The following SSRP1 variants were observed in gnomAD, a reference collection of about 807,000 sequenced individuals.
SSRP1 encodes FACT complex subunit SSRP1.
A neutral mutation model predicts 84.4 loss-of-function variants in SSRP1; 21 were observed. The observed-to-expected ratio is 0.25, with a 90% confidence interval of 0.18 to 0.36. The LOEUF (loss-of-function observed/expected upper bound fraction) is 0.36. SSRP1 is among the 10% of genes least tolerant of loss of function. SSRP1 has a pLI of 1.00. For synonymous variants in SSRP1, 319 were observed against 318.3 expected (o/e 1.00, Z -0.02); for missense variants, 519 against 900.8 (o/e 0.58, Z 5.43).
At position 57,326,884 on chromosome 11, in the gene SSRP1, T is replaced by C. The variant is rs985933102; in HGVS notation, c.1877A>G (p.Lys626Arg). 2 of 1,604,002 alleles carry C rather than the reference T, an allele frequency of 1.2e-6. No homozygotes were observed. The highest frequency in any genetic ancestry group is 1.7e-5 in the Admixed American group (1 of 58,134). The stretch of plus-strand genomic sequence containing the variant: ...CTTTACTTTCTTCTTCTTCTTTGAC[T>C]TGTCCCTGTATTGGCAAGAGGGAAG... The part of the protein sequence containing the change: ...GGRGESSKRD[K>R]SKKKKKVKVK... The change falls in exon 16 of 17, where the codon AAG (lysine) becomes AGG (arginine). Residue 626 changes from lysine (K) to arginine (R), a missense_variant. This residue lies in a region of SSRP1 where 197 missense variants were observed against 265.0 expected (regional missense o/e 0.74). Transcript: ENST00000278412.
rs771120591 is a variant in SSRP1, at chr11:57,332,103, G to C, written c.1001+49C>G. 1 of 1,611,004 alleles carries C rather than the reference G, an allele frequency of 6.2e-7. No individual in the cohort carries two copies. Among genetic ancestry groups the C allele is most frequent in the Non-Finnish European group, 8.5e-7 (1 of 1,179,420 alleles). On this transcript the variant is annotated intron_variant, in intron 8 of 16. Transcript: ENST00000278412. The surrounding 1 kb of genome is among the most constrained non-coding windows in gnomAD (Gnocchi z 5.5). Reference sequence around the variant, plus strand: ...CAGGAAGGGTTTACCAAGGAGACACGGCATTTCCCATACCCAGGCAGGGCA... The same window carrying C: ...CAGGAAGGGTTTACCAAGGAGACACCGCATTTCCCATACCCAGGCAGGGCA...
intron 14 of SSRP1, 84 bp from the exon 15 acceptor site, chr11:57,327,598 A>G (rs1856011263): frequency 2.5e-6 from 4 of 1,604,376 alleles, no homozygotes; most frequent in Non-Finnish European, 2.6e-6. Flanking sequence ...ATCGATACAG[A>G]AAGTCCCACC....
At position 57,326,852 on chromosome 11, in the gene SSRP1, TCTTTAC is replaced by T. The variant is rs756183469; in HGVS notation, c.1903_1908del (p.Val635_Lys636del). ...CTAGAGGGCGTGGATTTCTTTTCCA[TCTTTAC>T]CTTTACTTTCTTCTTCTTCTTTGAC... On this transcript the variant is annotated inframe_deletion, in exon 16 of 17. Transcript: ENST00000278412. 11 of 1,613,806 alleles carry T rather than the reference TCTTTAC, an allele frequency of 6.8e-6. No homozygotes were observed. In the South Asian group the frequency reaches 1.2e-4, roughly 18 times the overall value.
chr11:57,333,719 C>T (rs1312971565), intron 3 of SSRP1, among the ~76,000 whole-genome samples, 179 bp from the exon 4 acceptor site: 1 of 152,246 alleles, frequency 6.6e-6, no homozygotes, highest in Non-Finnish European at 1.5e-5. Context: ...CTTCTAGCCA[C>T]TGGATCTGAC....
Position 57,330,654 on chromosome 11 carries a change from G to A in SSRP1, c.1296+201C>T. On this transcript the variant is annotated intron_variant, in intron 10 of 16. Transcript: ENST00000278412. This position sits in a 1 kb window ranked among gnomAD's most constrained non-coding sequence, Gnocchi z 4.0. ...CCTCCCTCTCCCAGCCCCACTGGGG[G>A]CTCCTGAGGGGCTGCATAGACTGGT... 1.4e-6 allele frequency: 2 copies of A among 1,444,788 alleles called. No individual in the cohort carries two copies. Among genetic ancestry groups the A allele is most frequent in the Non-Finnish European group, 1.8e-6 (2 of 1,105,362 alleles). 89.5% of individuals were successfully genotyped at this position (1,444,788 alleles called of 1,614,324 possible).
rs1217958155 is a variant in SSRP1, at chr11:57,326,809, G to A, written c.1952C>T (p.Ser651Leu). The A allele has an allele frequency of 1.2e-5, 19 of 1,614,220 alleles. No individual in the cohort carries two copies. Among genetic ancestry groups the A allele is most frequent in the Middle Eastern group, 1.6e-4 (1 of 6,062 alleles). ...STPSRGSSSK[S>L]SSRQLSESFK... ...GCTCTCGCTTAGCTGCCTTGAGGAC[G>A]ACTTGGATGATGAGCCCCTAGAGGG... Residue 651 changes from serine to leucine, a missense_variant, in exon 16 of 17, where the codon TCG (serine) becomes TTG (leucine). Transcript: ENST00000278412.
At position 57,335,113 on chromosome 11, in the gene SSRP1, C is replaced by T. The variant is rs189041235; in HGVS notation, c.9G>A (p.Glu3=). The change falls in exon 2 of 17, where the codon GAG becomes GAA. Residue 3 remains glutamate (E), a synonymous_variant. Transcript: ENST00000278412. This position sits in a 1 kb window ranked among gnomAD's most constrained non-coding sequence, Gnocchi z 4.6. ...GATAGACGTCGTTGAACTCCAGTGT[C>T]TCTGCCATGTCGACCCCTGCCTGTG... MA[E]TLEFNDVYQE... 8 of 1,614,144 alleles carry T rather than the reference C, an allele frequency of 5.0e-6. No homozygotes were observed. The African/African-American group carries it at 9.3e-5, about 19-fold the overall frequency.
rs764822163 is a variant in SSRP1 at position 57,332,384 on chromosome 11, C to T, written c.871G>A (p.Glu291Lys). 6.8e-6 allele frequency: 11 copies of T among 1,614,066 alleles called. No individual in the cohort carries two copies. Among genetic ancestry groups the T allele is most frequent in the Non-Finnish European group, 8.5e-6 (10 of 1,180,004 alleles). ...AAACGAGTCCAGGGAGACACTCACTCGTTCATGTTCAGAGTCAACGAAATG... is the reference window on the plus strand; with the variant it reads ...AAACGAGTCCAGGGAGACACTCACTTGTTCATGTTCAGAGTCAACGAAATG... Reference protein sequence around the residue: ...EDISLTLNMNEEEVEKRFEGR... With the variant: ...EDISLTLNMNKEEVEKRFEGR... Residue 291 changes from glutamate to lysine, a missense_variant and splice_region_variant, in exon 7 of 17, where the codon GAG becomes AAG. By Grantham distance (56) the Glu-to-Lys change is moderately conservative. Transcript: ENST00000278412. The surrounding 1 kb of genome is among the most constrained non-coding windows in gnomAD (Gnocchi z 5.5).
At chr11:57,333,987 C>T (rs1485665731) in intron 3 of SSRP1, among the ~76,000 whole-genome samples, 1 of 152,118 alleles carries the variant, frequency 6.6e-6, no homozygotes, top group Non-Finnish European at 1.5e-5. Flanking sequence ...GCCGTTTCTA[C>T]CAAAAATTAT....
intron 4 of SSRP1, 103 bp downstream of exon 4, chr11:57,333,331 AG>A: frequency 8.4e-7 from 1 of 1,183,550 alleles, no homozygotes; most frequent in South Asian, 1.3e-5. Flanking sequence ...GCAAATAGAT[AG>A]GAAACCAGAG....
At position 57,330,216 on chromosome 11, in the gene SSRP1, C is replaced by T; in HGVS notation, c.1435+75G>A. The T allele has an allele frequency of 6.2e-7, 1 of 1,614,150 alleles. No homozygotes were observed. Among genetic ancestry groups the T allele is most frequent in the Non-Finnish European group, 8.5e-7 (1 of 1,179,996 alleles). On this transcript the variant is annotated intron_variant, in intron 11 of 16. Coordinates refer to ENST00000278412, the MANE Select transcript of SSRP1 (RefSeq NM_003146.3). The surrounding 1 kb of genome is among the most constrained non-coding windows in gnomAD (Gnocchi z 4.0). ...CCTCACCCAGGCACCCAGCTCTGGC[C>T]CAAGGGTGAGTCCAGCCCGGGCCAC...
intron 12 of SSRP1, chr11:57,329,721 A>T: frequency 3.3e-6 from 1 of 306,364 alleles, no homozygotes; most frequent in Non-Finnish European, 6.1e-6. Context: ...CCAATTTAGC[A>T]GGGGTACTAC....
rs60210571 is a variant in SSRP1 at position 57,327,005 on chromosome 11, C to G, written c.1872-116G>C. ...TCCCAGCCACACAGCCCATTTCACT[C>G]TGAACGTAAATAGCTGCGTCAGCCT... On this transcript the variant is annotated intron_variant, in intron 15 of 16. Transcript: ENST00000278412. 477 of 1,440,904 alleles carry G rather than the reference C, an allele frequency of 3.3e-4. 3 individuals are homozygous for G. The African/African-American group carries it at 6.2e-3, about 19-fold the overall frequency. 89.3% of individuals were successfully genotyped at this position (1,440,904 alleles called of 1,614,324 possible).
chr11:57,335,149 C>T lies in SSRP1; in HGVS notation c.-28G>A. 1 of 1,613,504 alleles carries T rather than the reference C, an allele frequency of 6.2e-7. No individual in the cohort carries two copies. The highest frequency in any genetic ancestry group is 8.5e-7 in the Non-Finnish European group (1 of 1,179,562). On this transcript the variant is annotated 5_prime_UTR_variant, in exon 2 of 17. Transcript: ENST00000278412. This position sits in a 1 kb window ranked among gnomAD's most constrained non-coding sequence, Gnocchi z 4.6. The stretch of plus-strand genomic sequence containing the variant: ...CGACCCCTGCCTGTGGTGGCCTGGG[C>T]AGAGCCCCAGGCTGCACAAGGGAAA...
In SSRP1 at chr11:57,334,414, A is replaced by T. The variant is rs1856163137; in HGVS notation, c.240+49T>A. Reference sequence around the variant, plus strand: ...GAACCTCGAGTCTCTAGAAGATTAAAATAAGAAGATGCAGTAAAAAGGAGG... The same window carrying T: ...GAACCTCGAGTCTCTAGAAGATTAATATAAGAAGATGCAGTAAAAAGGAGG... On this transcript the variant is annotated intron_variant, in intron 3 of 16. Transcript: ENST00000278412. 1.9e-6 allele frequency: 3 copies of T among 1,594,186 alleles called. No homozygotes were observed. The African/African-American group carries it at 4.0e-5, about 22-fold the overall frequency.
In SSRP1 at chr11:57,330,941, T is replaced by C. The variant is rs371042746; in HGVS notation, c.1224-14A>G. 1.4e-5 allele frequency: 22 copies of C among 1,613,868 alleles called. No homozygotes were observed. In the African/African-American group the frequency reaches 2.4e-4, roughly 18 times the overall value. On this transcript the variant is annotated splice_polypyrimidine_tract_variant and intron_variant, in intron 9 of 16. Transcript: ENST00000278412. This position sits in a 1 kb window ranked among gnomAD's most constrained non-coding sequence, Gnocchi z 4.0. ...CCGTACTCCTCCCTGTGAGGGGACA[T>C]GCACCATGTTACCAGAGAGGTAGTG...
In SSRP1 at chr11:57,335,097, C is replaced by G; in HGVS notation, c.25G>C (p.Asp9His). 1 of 1,614,114 alleles carries G rather than the reference C, an allele frequency of 6.2e-7. No individual in the cohort carries two copies. Among genetic ancestry groups the G allele is most frequent in the Non-Finnish European group, 8.5e-7 (1 of 1,179,998 alleles). Residue 9 changes from aspartate to histidine, a missense_variant, in exon 2 of 17, where the codon GAC (aspartate) becomes CAC (histidine). Physicochemically the swap from Asp to His is moderately conservative, Grantham distance 81 (BLOSUM62 -1). Coordinates refer to ENST00000278412, the MANE Select transcript of SSRP1 (RefSeq NM_003146.3). This position sits in a 1 kb window ranked among gnomAD's most constrained non-coding sequence, Gnocchi z 4.6. MAETLEFN[D>H]VYQEVKGSMN... ...GAACCTTTCACCTCCTGATAGACGTCGTTGAACTCCAGTGTCTCTGCCATG... is the reference window on the plus strand; with the variant it reads ...GAACCTTTCACCTCCTGATAGACGTGGTTGAACTCCAGTGTCTCTGCCATG...
chr11:57,326,522 T>C, intron 16 of SSRP1, 44 bp from the exon 17 acceptor site: 1 of 1,612,772 alleles, frequency 6.2e-7, no homozygotes, highest in South Asian at 1.1e-5. Context: ...GAGTCCTGGG[T>C]GCCCCACCCA....
Position 57,332,370 on chromosome 11 carries a change from G to A in SSRP1, c.872+13C>T, listed in dbSNP as rs1416979964. ...TGGACAGTGGTAGGAAACGAGTCCA[G>A]GGAGACACTCACTCGTTCATGTTCA... On this transcript the variant is annotated intron_variant, in intron 7 of 16. Transcript: ENST00000278412. This position sits in a 1 kb window ranked among gnomAD's most constrained non-coding sequence, Gnocchi z 5.5. 4 of 1,614,066 alleles carry A rather than the reference G, an allele frequency of 2.5e-6. No homozygotes were observed. The highest frequency in any genetic ancestry group is 3.4e-6 in the Non-Finnish European group (4 of 1,179,950).
Sources: gnomAD v4.1 joint callset for allele counts (sites outside exome capture counted in the v4.1 genomes callset) on GRCh38, gnomAD v4.1.1 for gene constraint, gnomAD v4.1.1 regional missense constraint, Gnocchi (gnomAD v3.1) non-coding constraint, MANE v1.5 for transcripts, NCBI Gene and HGNC (gene_info 2026-07-23, HGNC 2026-07-21) for gene names.